The following CCDC7 variants were observed in gnomAD, a reference collection of about 807,000 sequenced individuals.
CCDC7 encodes coiled-coil domain containing 7.
Under a neutral mutation model 196.9 loss-of-function variants are expected in CCDC7, and 183 were observed. The observed-to-expected ratio is 0.93, with a 90% CI of 0.82 to 1.05. The LOEUF is 1.05. Ranked by LOEUF, CCDC7 falls within the 50% of genes least tolerant of loss-of-function variation. CCDC7 has a pLI of 0.00. For missense variants in CCDC7, 1,540 were observed against 1,482.2 expected (o/e 1.04, Z -0.64); for synonymous variants, 525 against 484.6 (o/e 1.08, Z -1.10).
At chr10:32,759,603 T>G (rs1157965040) in intron 28 of CCDC7, among the ~76,000 whole-genome samples, 1 of 152,154 alleles carries the variant, frequency 6.6e-6, no homozygotes, top group East Asian at 1.9e-4. Context: ...TCAAGATGGA[T>G]TAAAGACTTA....
At chr10:32,528,473 A>T (rs1564557470) in intron 11 of CCDC7, among the ~76,000 whole-genome samples, 1 of 149,138 alleles carries the variant, frequency 6.7e-6, no homozygotes, top group African/African-American at 2.5e-5. Flanking sequence ...CTCATAGCTT[A>T]GGTCCCACTT....
intron 33 of CCDC7, among the ~76,000 whole-genome samples, chr10:32,841,804 ATACT>A (rs1156441805): frequency 7.2e-5 from 11 of 152,118 alleles, no homozygotes; most frequent in Admixed American, 7.2e-4. Flanking sequence ...ATAAAGCCAA[ATACT>A]TACAGCCGAC....
At chr10:32,463,141 C>A in intron 5 of CCDC7, 92 bp downstream of exon 6, 2 of 1,477,298 alleles carry the variant, frequency 1.4e-6, no homozygotes, top group South Asian at 2.5e-5. Context: ...ATGTATAAGT[C>A]ATTTTTGAAT....
At chr10:32,809,876 T>G (rs550964574) in intron 30 of CCDC7, among the ~76,000 whole-genome samples, 273 of 152,206 alleles carry the variant, frequency 1.8e-3, no homozygotes, top group Non-Finnish European at 2.8e-3. Context: ...TCCCATTACT[T>G]GGTATATACC....
exon 17 of CCDC7, chr10:32,583,113 G>C (rs2058902605): frequency 8.1e-7 from 1 of 1,231,434 alleles, no homozygotes; most frequent in East Asian, 3.2e-5. Flanking sequence ...AGCATTTTTA[G>C]AGAGTTCAAA....
chr10:32,493,555 G>T (rs2042460028), intron 9 of CCDC7, among the ~76,000 whole-genome samples: 1 of 151,714 alleles, frequency 6.6e-6, no homozygotes, highest in Non-Finnish European at 1.5e-5. Flanking sequence ...TGTATACTCA[G>T]AAATGGAATT....
intron 28 of CCDC7, among the ~76,000 whole-genome samples, chr10:32,750,579 A>G (rs1425649310): frequency 3.3e-5 from 5 of 152,130 alleles, no homozygotes; most frequent in Admixed American, 2.6e-4. Flanking sequence ...CCATGGAAAT[A>G]CATTCCTTGA....
chr10:32,658,782 A>G (rs2070556096), intron 20 of CCDC7, among the ~76,000 whole-genome samples: 1 of 152,208 alleles, frequency 6.6e-6, no homozygotes, highest in Non-Finnish European at 1.5e-5. Context: ...CAGTCTTGGT[A>G]AGTTACATAT....
At chr10:32,650,257 C>T (rs1442953856) in intron 20 of CCDC7, among the ~76,000 whole-genome samples, 2 of 152,146 alleles carry the variant, frequency 1.3e-5, no homozygotes, top group Non-Finnish European at 2.9e-5. Flanking sequence ...CTTGGTTTCA[C>T]AGTGGGGATA....
chr10:32,614,342 A>G (rs552188949), intron 18 of CCDC7, among the ~76,000 whole-genome samples: 3 of 151,260 alleles, frequency 2.0e-5, no homozygotes, highest in East Asian at 2.0e-4. Context: ...GTAGACACAC[A>G]TAGGCTAATA....
intron 13 of CCDC7, among the ~76,000 whole-genome samples, chr10:32,564,128 A>G (rs372288281): frequency 2.6e-5 from 4 of 152,172 alleles, no homozygotes; most frequent in Admixed American, 6.5e-5. Flanking sequence ...TTAGAATGGC[A>G]ATCATTAAGA....
intron 9 of CCDC7, among the ~76,000 whole-genome samples, chr10:32,507,754 G>C (rs148662074): frequency 6.6e-6 from 1 of 152,272 alleles, no homozygotes; most frequent in Non-Finnish European, 1.5e-5. Context: ...ATGGCTCACT[G>C]TTACCATTTT....
intron 29 of CCDC7, among the ~76,000 whole-genome samples, chr10:32,802,642 G>A (rs534291627): frequency 6.6e-6 from 1 of 152,134 alleles, no homozygotes; most frequent in African/African-American, 2.4e-5. Context: ...TCCTCAGTAG[G>A]CCATCTGCAA....
At chr10:32,545,345 G>A (rs1321471209) in intron 13 of CCDC7, among the ~76,000 whole-genome samples, 1 of 152,088 alleles carries the variant, frequency 6.6e-6, no homozygotes, top group Non-Finnish European at 1.5e-5. Flanking sequence ...TTAAATTATT[G>A]TTTATCAACA....
intron 24 of CCDC7, among the ~76,000 whole-genome samples, chr10:32,705,982 A>G (rs1451968256): frequency 6.6e-6 from 1 of 152,180 alleles, no homozygotes; most frequent in African/African-American, 2.4e-5. Flanking sequence ...CTGGACATCT[A>G]CAGAACTTTC....
chr10:32,499,599 T>A (rs924733704), intron 9 of CCDC7, among the ~76,000 whole-genome samples: 11 of 93,418 alleles, frequency 1.2e-4, no homozygotes, highest in African/African-American at 3.0e-4. Context: ...TTCTTTTTTA[T>A]TTTTTTATTT....
chr10:32,867,085 A>G (rs2094225636), intron 41 of CCDC7, among the ~76,000 whole-genome samples: 2 of 151,742 alleles, frequency 1.3e-5, no homozygotes, highest in Non-Finnish European at 3.0e-5. Context: ...TAACTATTCC[A>G]GATTAAGAGA....
chr10:32,816,667 T>A (rs1212870777), intron 31 of CCDC7, among the ~76,000 whole-genome samples: 2 of 152,166 alleles, frequency 1.3e-5, no homozygotes. Context: ...GCAGCAACAT[T>A]TGCTGTTCAC....
At chr10:32,719,674 G>GA (rs1380971968) in intron 25 of CCDC7, among the ~76,000 whole-genome samples, 2 of 151,882 alleles carry the variant, frequency 1.3e-5, no homozygotes, top group African/African-American at 2.4e-5. Context: ...AAATTTACAA[G>GA]AAAAAAACAA....
Sources: allele counts gnomAD v4.1 joint callset (sites outside exome capture counted in the v4.1 genomes callset), GRCh38; gene constraint gnomAD v4.1.1; transcripts MANE v1.5; gene names NCBI Gene and HGNC (gene_info 2026-07-23, HGNC 2026-07-21).